Variants in MCF2L2 observed in about 807,000 individuals in gnomAD.
MCF2L2 encodes probable guanine nucleotide exchange factor MCF2L2.
Under a neutral mutation model 150.2 loss-of-function variants are expected in MCF2L2, and 102 were observed. That is an observed-to-expected ratio of 0.68 (90% CI 0.58 to 0.80). The LOEUF (loss-of-function observed/expected upper bound fraction) is 0.80, where lower values mean the gene tolerates loss of function less well. Among genes scored for constraint, MCF2L2 ranks in the 30% least tolerant of loss-of-function variants. The pLI, the probability that MCF2L2 is intolerant of heterozygous loss-of-function variation, is 0.00. For synonymous variants in MCF2L2, 465 were observed against 491.3 expected, an observed-to-expected ratio of 0.95 and a Z score of 0.71; for missense variants, 1,256 against 1,372.8, an observed-to-expected ratio of 0.91 and a Z score of 1.34.
At chr3:183,211,211 C>T (rs940033390) in intron 22 of MCF2L2, among the ~76,000 whole-genome samples, 8 of 152,072 alleles carry the variant, frequency 5.3e-5, no homozygotes, top group Non-Finnish European at 8.8e-5. Flanking sequence ...GTAAGAACCC[C>T]GGCTCCCTCC....
chr3:183,258,647 C>T (rs1333546672), intron 15 of MCF2L2, among the ~76,000 whole-genome samples: 1 of 152,226 alleles, frequency 6.6e-6, no homozygotes, highest in Non-Finnish European at 1.5e-5. Flanking sequence ...CACCACCCCC[C>T]CGCCCCTGAT....
At chr3:183,251,458 C>G (rs184950004) in intron 15 of MCF2L2, among the ~76,000 whole-genome samples, 1 of 152,238 alleles carries the variant, frequency 6.6e-6, no homozygotes, top group South Asian at 2.1e-4. Flanking sequence ...AAATCTGCTA[C>G]TCCTCTGCTC....
intron 1 of MCF2L2, chr3:183,400,249 A>AT (rs1228128784): frequency 4.2e-5 from 14 of 331,354 alleles, no homozygotes; most frequent in South Asian, 7.2e-5. Context: ...GCAAAGTAAG[A>AT]TTTTTTTTAA....
At chr3:183,311,365 T>C (rs1053942919) in intron 8 of MCF2L2, among the ~76,000 whole-genome samples, 1 of 152,218 alleles carries the variant, frequency 6.6e-6, no homozygotes, top group Non-Finnish European at 1.5e-5. Flanking sequence ...GCTAAACTGT[T>C]ACTTGGAAAT....
In MCF2L2 at chr3:183,427,883, A is replaced by G. The variant is rs1411019388; in HGVS notation, c.76+19T>C. 1.2e-6 allele frequency: 2 copies of G among 1,611,522 alleles called. No individual in the cohort carries two copies. Reference sequence around the variant, plus strand: ...ACCCGCCATTAATAAAACGCAGGAAAAATTAAAGCTTCGTTTACCGACATG... The same window carrying G: ...ACCCGCCATTAATAAAACGCAGGAAGAATTAAAGCTTCGTTTACCGACATG... On this transcript the variant is annotated intron_variant, in intron 1 of 29. Transcript: ENST00000328913.
chr3:183,313,348 G>T (rs1163218304), intron 7 of MCF2L2, among the ~76,000 whole-genome samples: 1 of 152,220 alleles, frequency 6.6e-6, no homozygotes, highest in African/African-American at 2.4e-5. Flanking sequence ...ACTGGAGGGG[G>T]AAGCTGGGAA....
At chr3:183,230,926 T>C (rs1172577547) in intron 16 of MCF2L2, 25 bp downstream of exon 16, 1 of 1,566,180 alleles carries the variant, frequency 6.4e-7, no homozygotes, top group Middle Eastern at 1.7e-4. Flanking sequence ...ATATGCTTGA[T>C]ACCCCACTCC....
At chr3:183,190,583 C>T (rs1560332497) in intron 27 of MCF2L2, among the ~76,000 whole-genome samples, 1 of 152,318 alleles carries the variant, frequency 6.6e-6, no homozygotes, top group East Asian at 1.9e-4. Flanking sequence ...GCATGGATGG[C>T]ACCACAGGTT....
At chr3:183,195,426 A>G (rs1027252802) in intron 25 of MCF2L2, among the ~76,000 whole-genome samples, 171 bp from the exon 26 acceptor site, 1 of 152,176 alleles carries the variant, frequency 6.6e-6, no homozygotes, top group Non-Finnish European at 1.5e-5. Flanking sequence ...ACGCTGCTAC[A>G]GTCCCTGGGC....
At chr3:183,271,830 G>T (rs1307882744) in intron 15 of MCF2L2, 2 of 166,888 alleles carry the variant, frequency 1.2e-5, no homozygotes, top group Non-Finnish European at 2.9e-5. Flanking sequence ...ATAATGGAGA[G>T]ACTTCAAATG....
chr3:183,208,024 A>G (rs950541618), intron 22 of MCF2L2, among the ~76,000 whole-genome samples: 6 of 152,230 alleles, frequency 3.9e-5, no homozygotes, highest in Non-Finnish European at 8.8e-5. Flanking sequence ...TAGTTATATA[A>G]GGAAATCAAT....
In MCF2L2 at chr3:183,323,318, C is replaced by T. The variant is rs376645473; in HGVS notation, c.520G>A (p.Gly174Ser). 8.1e-6 allele frequency: 13 copies of T among 1,613,462 alleles called. No homozygotes were observed. The highest frequency in any genetic ancestry group is 6.7e-5 in the Admixed American group (4 of 59,998). The part of the protein sequence containing the change: ...IMVNSVSDLH[G>S]YIDKSQLTRE... Reference sequence around the variant, plus strand: ...GTCAGTTGGCTTTTGTCGATGTAGCCGTGAAGGTCAGAGACAGAGTTTACC... The same window carrying T: ...GTCAGTTGGCTTTTGTCGATGTAGCTGTGAAGGTCAGAGACAGAGTTTACC... The change falls in exon 6 of 30, where the codon GGC (glycine) becomes AGC (serine). Residue 174 changes from glycine to serine, a missense_variant. Gly to Ser is a moderately conservative substitution (Grantham distance 56). Coordinates refer to ENST00000328913, the MANE Select transcript of MCF2L2 (RefSeq NM_015078.4).
chr3:183,262,275 C>T lies in MCF2L2; in HGVS notation c.1862+14597G>A, dbSNP rs1009321361. Reference sequence around the variant, plus strand: ...ATGATACTTTAGGTTGGTATACATACATATACTAAGAATGCAGACATGTCC... The same window carrying T: ...ATGATACTTTAGGTTGGTATACATATATATACTAAGAATGCAGACATGTCC... On this transcript the variant is annotated intron_variant, in intron 15 of 29. Coordinates refer to ENST00000328913, the MANE Select transcript of MCF2L2 (RefSeq NM_015078.4). 2.0e-5 allele frequency among the ~76,000 whole-genome samples: 3 copies of T among 150,918 alleles called. No individual in the cohort carries two copies. In the East Asian group the frequency reaches 5.9e-4, roughly 30 times the overall value.
intron 1 of MCF2L2, among the ~76,000 whole-genome samples, chr3:183,408,730 G>C (rs190876115): frequency 1.3e-3 from 192 of 152,296 alleles, no homozygotes; most frequent in Non-Finnish European, 2.2e-3. Context: ...GAAAAAAACA[G>C]ACACACAATC....
chr3:183,318,387 A>C (rs1729684166), intron 6 of MCF2L2, among the ~76,000 whole-genome samples, 170 bp from the exon 7 acceptor site: 1 of 152,216 alleles, frequency 6.6e-6, no homozygotes, highest in African/African-American at 2.4e-5. Flanking sequence ...GGCTGGTTTT[A>C]GTCTCAATGC....
intron 5 of MCF2L2, among the ~76,000 whole-genome samples, chr3:183,337,686 A>G (rs1004210506): frequency 1.3e-5 from 2 of 152,088 alleles, no homozygotes; most frequent in Non-Finnish European, 2.9e-5. Context: ...CCAGTCCCCT[A>G]TTGTCAAGCA....
At position 183,410,679 on chromosome 3, in the gene MCF2L2, G is replaced by A. The variant is rs117324826; in HGVS notation, c.76+17223C>T. Among the ~76,000 whole-genome samples, 5 of 152,356 alleles carry A rather than the reference G, an allele frequency of 3.3e-5. No individual in the cohort carries two copies. The East Asian group carries it at 7.7e-4, about 23-fold the overall frequency. ...GTTCCTGTTTTTCCCAGGCCAGCCT[G>A]TAAAACCGTCTAAGTATTTTACATT... On this transcript the variant is annotated intron_variant, in intron 1 of 29. Coordinates refer to ENST00000328913, the MANE Select transcript of MCF2L2 (RefSeq NM_015078.4).
chr3:183,333,151 A>G (rs1283755013), intron 5 of MCF2L2, among the ~76,000 whole-genome samples: 1 of 152,040 alleles, frequency 6.6e-6, no homozygotes, highest in Non-Finnish European at 1.5e-5. Flanking sequence ...GGTTCAAGCA[A>G]TTCTCCTGCC....
At chr3:183,373,769 A>AGG (rs1324297527) in intron 3 of MCF2L2, 1 of 152,284 alleles carries the variant, frequency 6.6e-6, no homozygotes. Flanking sequence ...AATGCAGTTG[A>AGG]GGTCGAGAAC....
Sources: allele counts gnomAD v4.1 joint callset (sites outside exome capture counted in the v4.1 genomes callset), GRCh38; gene constraint gnomAD v4.1.1; transcripts MANE v1.5; gene names NCBI Gene and HGNC (gene_info 2026-07-23, HGNC 2026-07-21).